Variants in TMEM178B observed in about 807,000 individuals in gnomAD.
TMEM178B encodes the protein transmembrane protein 178B.
Under a neutral mutation model 31.0 loss-of-function variants are expected in TMEM178B, and 5 were observed. That is an observed-to-expected ratio of 0.16 (90% CI 0.08 to 0.34). TMEM178B has a LOEUF of 0.34. TMEM178B is among the 10% of genes least tolerant of loss of function. The probability of loss-of-function intolerance (pLI) is 1.00; values close to 1 mark genes in which losing one functional copy is unlikely to be tolerated. For missense variants in TMEM178B, 275 were observed against 400.3 expected (o/e 0.69, Z 2.67); for synonymous variants, 164 against 164.0 (o/e 1.00, Z 0.00).
rs909923264 is a variant in TMEM178B, at chr7:141,413,065, C to T, written c.497-24543C>T. Reference sequence around the variant, plus strand: ...TGCTCTACCTCAGTGTCATTTTGATCTTCCATGTTATGAAAAGCGTTGGTC... The same window carrying T: ...TGCTCTACCTCAGTGTCATTTTGATTTTCCATGTTATGAAAAGCGTTGGTC... On this transcript the variant is annotated intron_variant, in intron 2 of 3. Transcript: ENST00000565468. 3.2e-4 allele frequency among the ~76,000 whole-genome samples: 49 copies of T among 152,298 alleles called. 1 individual carries two copies. Among genetic ancestry groups the T allele is most frequent in the Admixed American group, 9.8e-4 (15 of 15,304 alleles).
chr7:141,121,063 A>G (rs963062933), intron 1 of TMEM178B, among the ~76,000 whole-genome samples: 3 of 151,972 alleles, frequency 2.0e-5, no homozygotes, highest in South Asian at 4.1e-4. Flanking sequence ...TGATTGGATT[A>G]TAGTCCTTAT....
At chr7:141,372,023 C>A (rs1301199561) in intron 2 of TMEM178B, among the ~76,000 whole-genome samples, 1 of 152,164 alleles carries the variant, frequency 6.6e-6, no homozygotes, top group African/African-American at 2.4e-5. Context: ...GCCAGCTAAT[C>A]CCCCACATCC....
chr7:141,085,540 CATTT>C (rs57048682), intron 1 of TMEM178B, among the ~76,000 whole-genome samples: 91,764 of 151,282 alleles, frequency 0.61, 29,153 homozygotes, highest in East Asian at 0.76. Context: ...CATCGTCATG[CATTT>C]ATATCATTTC....
chr7:141,224,335 A>G (rs1314356584), intron 2 of TMEM178B, among the ~76,000 whole-genome samples: 5 of 152,274 alleles, frequency 3.3e-5, no homozygotes, highest in Non-Finnish European at 7.3e-5. Context: ...CATATCAGAC[A>G]GAGCAGTTCC....
At chr7:141,495,384 G>GGT in the TMEM178B span, among the ~76,000 whole-genome samples, 1 of 152,188 alleles carries the variant, frequency 6.6e-6, no homozygotes, top group Non-Finnish European at 1.5e-5. Flanking sequence ...CACCAACAAT[G>GGT]CCTTGCTGGT....
At chr7:141,210,707 ATCT>A (rs1344334970) in intron 1 of TMEM178B, among the ~76,000 whole-genome samples, 2 of 151,994 alleles carry the variant, frequency 1.3e-5, no homozygotes, top group African/African-American at 2.4e-5. Flanking sequence ...CCTTGTAAAC[ATCT>A]TCTGTGTGTG....
chr7:141,506,756 A>G, the TMEM178B span, among the ~76,000 whole-genome samples: 2 of 152,214 alleles, frequency 1.3e-5, no homozygotes, highest in Admixed American at 1.3e-4. Context: ...CATTAACCCA[A>G]AAGTCCACAG....
At chr7:141,262,786 A>AT (rs1798035072) in intron 2 of TMEM178B, among the ~76,000 whole-genome samples, 1 of 152,064 alleles carries the variant, frequency 6.6e-6, no homozygotes, top group African/African-American at 2.4e-5. Flanking sequence ...AAACCTCTTC[A>AT]TTTTAAACAT....
chr7:141,265,156 A>G (rs953199487), intron 2 of TMEM178B, among the ~76,000 whole-genome samples: 2 of 152,218 alleles, frequency 1.3e-5, no homozygotes, highest in African/African-American at 4.8e-5. Flanking sequence ...CATGGTTAAC[A>G]GGGCTTCGCA....
At chr7:141,109,851 G>A (rs1242372345) in intron 1 of TMEM178B, among the ~76,000 whole-genome samples, 1 of 152,098 alleles carries the variant, frequency 6.6e-6, no homozygotes, top group Non-Finnish European at 1.5e-5. Context: ...ATAGGCAGGA[G>A]GATTGTTTGA....
At chr7:141,379,421 GC>G (rs1243929452) in intron 2 of TMEM178B, among the ~76,000 whole-genome samples, 2 of 152,194 alleles carry the variant, frequency 1.3e-5, no homozygotes, top group African/African-American at 4.8e-5. Flanking sequence ...GGAGGCCGAA[GC>G]CGCAGTGAGC....
At chr7:141,200,284 G>A (rs191569271) in intron 1 of TMEM178B, among the ~76,000 whole-genome samples, 8 of 152,136 alleles carry the variant, frequency 5.3e-5, no homozygotes, top group African/African-American at 1.9e-4. Flanking sequence ...GAGACAGGAT[G>A]GCTTAAGGGA....
chr7:141,351,850 C>T (rs981346258), intron 2 of TMEM178B: 11 of 152,130 alleles, frequency 7.2e-5, no homozygotes, highest in African/African-American at 2.7e-4. Context: ...TGGTATGTCC[C>T]ACCTTCAAAG....
At chr7:141,090,847 G>A (rs541104652) in intron 1 of TMEM178B, among the ~76,000 whole-genome samples, 64 of 152,258 alleles carry the variant, frequency 4.2e-4, no homozygotes, top group African/African-American at 1.4e-3. Flanking sequence ...GGGTCTTACC[G>A]AGAAGCAGAT....
Position 141,275,408 on chromosome 7 carries a change from G to A in TMEM178B, c.496+62704G>A, listed in dbSNP as rs544421683. On this transcript the variant is annotated intron_variant, in intron 2 of 3. Transcript: ENST00000565468. ...CCAGATGACTTTGTGATAGTGAGAT[G>A]TTGAAAACTGTGTAGTTTGCCTTGT... Among the ~76,000 whole-genome samples the A allele has an allele frequency of 6.2e-4, 94 of 152,310 alleles. 1 individual carries two copies. The highest frequency in any genetic ancestry group is 2.2e-3 in the African/African-American group (92 of 41,566).
chr7:141,355,505 G>C (rs148481479), intron 2 of TMEM178B, among the ~76,000 whole-genome samples: 43 of 152,328 alleles, frequency 2.8e-4, no homozygotes, highest in African/African-American at 1.0e-3. Context: ...CAATTCTTCA[G>C]TGAGGTGGGG....
chr7:141,270,652 G>A (rs1254178135), intron 2 of TMEM178B, among the ~76,000 whole-genome samples: 5 of 152,144 alleles, frequency 3.3e-5, no homozygotes, highest in African/African-American at 1.2e-4. Flanking sequence ...TATAGGATTC[G>A]AGTTGAGGTT....
At chr7:141,195,248 A>G (rs1466821223) in intron 1 of TMEM178B, among the ~76,000 whole-genome samples, 3 of 152,188 alleles carry the variant, frequency 2.0e-5, no homozygotes, top group Non-Finnish European at 4.4e-5. Context: ...TTAGGCTGCA[A>G]ATTTTCCAAA....
intron 1 of TMEM178B, among the ~76,000 whole-genome samples, chr7:141,201,005 A>G (rs923439759): frequency 6.6e-6 from 1 of 152,172 alleles, no homozygotes; most frequent in Admixed American, 6.5e-5. Flanking sequence ...TCACGATCCA[A>G]AATTTTTTTC....
Sources: gnomAD v4.1 joint callset for allele counts (sites outside exome capture counted in the v4.1 genomes callset) on GRCh38, gnomAD v4.1.1 for gene constraint, MANE v1.5 for transcripts, NCBI Gene and HGNC (gene_info 2026-07-23, HGNC 2026-07-21) for gene names.